ASXL1: variants seen among roughly 807,000 people sequenced by gnomAD.
ASXL1 encodes the protein polycomb group protein ASXL1.
In ASXL1, 65 loss-of-function variants were observed where a neutral mutation model predicts 89.1. That is an observed-to-expected ratio of 0.73 (90% CI 0.60 to 0.90). ASXL1 has a LOEUF of 0.90. Among genes scored for constraint, ASXL1 ranks in the 40% least tolerant of loss-of-function variants. ASXL1 has a pLI of 0.00. For missense variants in ASXL1, 1,786 were observed against 1,942.9 expected (o/e 0.92, Z 1.52); for synonymous variants, 739 against 746.9 (o/e 0.99, Z 0.17).
At chr20:32,387,524 A>G (rs750017456) in intron 4 of ASXL1, among the ~76,000 whole-genome samples, 1 of 152,166 alleles carries the variant, frequency 6.6e-6, no homozygotes, top group African/African-American at 2.4e-5. Flanking sequence ...ACTTCGATGC[A>G]TGGTTCTGAA....
At position 32,437,602 on chromosome 20, in the gene ASXL1, C is replaced by T. The variant is rs1163347356; in HGVS notation, c.*264C>T. 2.9e-5 allele frequency: 12 copies of T among 407,728 alleles called. No individual in the cohort carries two copies. The highest frequency in any genetic ancestry group is 6.2e-5 in the African/African-American group (3 of 48,012). 25.3% of individuals were successfully genotyped at this position (407,728 alleles called of 1,614,324 possible). Reference sequence around the variant, plus strand: ...CTGCAAGACAGAGCCTGATGTGGCACGGAGTGGGGTTGCGGGGGGTGGGGG... The same window carrying T: ...CTGCAAGACAGAGCCTGATGTGGCATGGAGTGGGGTTGCGGGGGGTGGGGG... On this transcript the variant is annotated 3_prime_UTR_variant, in exon 13 of 13. Coordinates refer to ENST00000375687, the MANE Select transcript of ASXL1 (RefSeq NM_015338.6).
intron 4 of ASXL1, among the ~76,000 whole-genome samples, chr20:32,395,109 T>A (rs2048739439): frequency 6.6e-6 from 1 of 152,248 alleles, no homozygotes; most frequent in African/African-American, 2.4e-5. Context: ...CAGATTCTCA[T>A]CTGCCAGATT....
intron 4 of ASXL1, among the ~76,000 whole-genome samples, chr20:32,413,704 G>A (rs1313947944): frequency 3.3e-5 from 5 of 152,194 alleles, no homozygotes; most frequent in Non-Finnish European, 7.3e-5. Flanking sequence ...ACTGGGGCCT[G>A]TTGGCTACTC....
chr20:32,431,558 T>C, intron 9 of ASXL1, 25 bp from the exon 10 acceptor site: 1 of 1,609,608 alleles, frequency 6.2e-7, no homozygotes, highest in Non-Finnish European at 8.5e-7. Context: ...TTTATTAGGA[T>C]TTTTTTCCCC....
chr20:32,391,400 T>C (rs1255688403), intron 4 of ASXL1, among the ~76,000 whole-genome samples: 3 of 152,192 alleles, frequency 2.0e-5, no homozygotes, highest in African/African-American at 7.2e-5. Flanking sequence ...GAGTAATTGC[T>C]GGGTTGGGTG....
rs2145392261 is a variant in ASXL1, at chr20:32,436,822, G to A, written c.4110G>A (p.Glu1370=). 4 of 1,614,168 alleles carry A rather than the reference G, an allele frequency of 2.5e-6. No homozygotes were observed. The highest frequency in any genetic ancestry group is 3.4e-6 in the Non-Finnish European group (4 of 1,180,026). Residue 1370 remains glutamate (E), a synonymous_variant, in exon 13 of 13, where the codon GAG becomes GAA. Transcript: ENST00000375687. The part of the protein sequence containing the change: ...PHAFVGSVKN[E]KTFVGGPLKA... ...CCTTTGTTGGCAGCGTCAAGAATGA[G>A]AAGACTTTTGTGGGGGGTCCTCTTA... is the stretch of plus-strand genomic sequence containing the variant.
intron 4 of ASXL1, among the ~76,000 whole-genome samples, chr20:32,378,388 G>C (rs1473235956): frequency 2.0e-5 from 3 of 152,034 alleles, no homozygotes; most frequent in Non-Finnish European, 4.4e-5. Flanking sequence ...TTGGCGTCAG[G>C]TTGGCACTCC....
In ASXL1 at chr20:32,437,061, G is replaced by A; in HGVS notation, c.4349G>A (p.Ser1450Asn). The A allele has an allele frequency of 1.2e-6, 2 of 1,614,156 alleles. No homozygotes were observed. Among genetic ancestry groups the A allele is most frequent in the Non-Finnish European group, 1.7e-6 (2 of 1,180,036 alleles). Residue 1450 changes from serine to asparagine, a missense_variant, in exon 13 of 13, where the codon AGT (serine) becomes AAT (asparagine). Transcript: ENST00000375687. ...FYGKLSKLQL[S>N]STSFNYSSSS... ...GGGAAGCTTTCTAAACTCCAACTGA[G>A]TTCCACCAGCTTTAATTATTCCTCT...
At chr20:32,388,817 T>A (rs1168207677) in intron 4 of ASXL1, among the ~76,000 whole-genome samples, 6 of 152,194 alleles carry the variant, frequency 3.9e-5, no homozygotes, top group Admixed American at 3.9e-4. Context: ...ATCATGCCTA[T>A]AAGACCTGGG....
chr20:32,366,917 C>T (rs1159028499), intron 2 of ASXL1, among the ~76,000 whole-genome samples: 1 of 152,044 alleles, frequency 6.6e-6, no homozygotes, highest in Non-Finnish European at 1.5e-5. Flanking sequence ...TAATTGCAGT[C>T]ATATATGATG....
In ASXL1 at chr20:32,377,148, T is replaced by C. The variant is rs906068239; in HGVS notation, c.252+8025T>C. Among the ~76,000 whole-genome samples, 3 of 144,430 alleles carry C rather than the reference T, an allele frequency of 2.1e-5. No homozygotes were observed. In the Admixed American group the frequency reaches 2.2e-4, roughly 10 times the overall value. The allele number at this position is 144,430 out of a possible 152,430, so 94.8% of individuals were successfully genotyped here. The stretch of plus-strand genomic sequence containing the variant: ...TTAATATAATATATATTATATATTA[T>C]ACAGATATCTATAAATATATTATAT... On this transcript the variant is annotated intron_variant, in intron 4 of 12. Coordinates refer to ENST00000375687, the MANE Select transcript of ASXL1 (RefSeq NM_015338.6).
At position 32,421,942 on chromosome 20, in the gene ASXL1, C is replaced by T. The variant is rs2049261542; in HGVS notation, c.253-6186C>T. ...GGAGTGCAGTGGCGTGATCTCGGCTCACTGCAAGCTCCGCCTCCCGGGTTC... is the reference window on the plus strand; with the variant it reads ...GGAGTGCAGTGGCGTGATCTCGGCTTACTGCAAGCTCCGCCTCCCGGGTTC... On this transcript the variant is annotated intron_variant, in intron 4 of 12. Transcript: ENST00000375687. Among the ~76,000 whole-genome samples, 5 of 143,072 alleles carry T rather than the reference C, an allele frequency of 3.5e-5. No individual in the cohort carries two copies. The Admixed American group carries it at 3.7e-4, about 10-fold the overall frequency. The allele number at this position is 143,072 out of a possible 152,430, so 93.9% of individuals were successfully genotyped here. A position where few individuals can be genotyped will look rare whatever the true frequency, so the allele number is the denominator to read the frequency against.
At chr20:32,387,682 G>A (rs2048602680) in intron 4 of ASXL1, among the ~76,000 whole-genome samples, 1 of 152,186 alleles carries the variant, frequency 6.6e-6, no homozygotes, top group African/African-American at 2.4e-5. Context: ...CCTCTGCAAC[G>A]CTTAGATCTC....
At chr20:32,392,855 C>T (rs1910173695) in intron 4 of ASXL1, among the ~76,000 whole-genome samples, 1 of 151,752 alleles carries the variant, frequency 6.6e-6, no homozygotes. Context: ...GATTTGAATC[C>T]TTTTAAATTG....
At chr20:32,378,273 A>T (rs2048423470) in intron 4 of ASXL1, among the ~76,000 whole-genome samples, 1 of 149,940 alleles carries the variant, frequency 6.7e-6, no homozygotes, top group Non-Finnish European at 1.5e-5. Context: ...GCCCACCTTG[A>T]CCTCCCAAAG....
chr20:32,403,396 T>C (rs2048907247), intron 4 of ASXL1, among the ~76,000 whole-genome samples: 1 of 152,174 alleles, frequency 6.6e-6, no homozygotes, highest in Non-Finnish European at 1.5e-5. Flanking sequence ...TTTCTTTGTC[T>C]TTACATGGAA....
At position 32,436,879 on chromosome 20, in the gene ASXL1, G is replaced by T. The variant is rs753857048; in HGVS notation, c.4167G>T (p.Gly1389=). ...ATGCCGAGAACAGGAAAGCTACTGGGCATAGTCCCCTGGAACTGGTGGGTC... is the reference window on the plus strand; with the variant it reads ...ATGCCGAGAACAGGAAAGCTACTGGTCATAGTCCCCTGGAACTGGTGGGTC... The part of the protein sequence containing the change: ...KANAENRKAT[G]HSPLELVGHL... The change falls in exon 13 of 13, where the codon GGG becomes GGT. Residue 1389 remains glycine (G), a synonymous_variant. Coordinates refer to ENST00000375687, the MANE Select transcript of ASXL1 (RefSeq NM_015338.6). The T allele has an allele frequency of 6.2e-7, 1 of 1,614,088 alleles. No individual in the cohort carries two copies. Among genetic ancestry groups the T allele is most frequent in the African/African-American group, 1.3e-5 (1 of 74,926 alleles).
chr20:32,400,736 C>T (rs1267588776), intron 4 of ASXL1, among the ~76,000 whole-genome samples: 1 of 152,184 alleles, frequency 6.6e-6, no homozygotes, highest in Admixed American at 6.5e-5. Context: ...GCTGAGCTCG[C>T]TGTCTTCAAT....
chr20:32,427,992 G>T, intron 4 of ASXL1, 136 bp from the exon 5 acceptor site: 4 of 1,257,886 alleles, frequency 3.2e-6, no homozygotes, highest in Non-Finnish European at 3.4e-6. Context: ...CTGAGAAAAA[G>T]GTCAGTTAGA....
Sources: allele counts gnomAD v4.1 joint callset (sites outside exome capture counted in the v4.1 genomes callset), GRCh38; gene constraint gnomAD v4.1.1; transcripts MANE v1.5; gene names NCBI Gene and HGNC (gene_info 2026-07-23, HGNC 2026-07-21).